The following GMDS variants were observed in gnomAD, a reference collection of about 807,000 sequenced individuals.
GMDS encodes GDP-mannose 4,6-dehydratase.
In GMDS, 20 loss-of-function variants were observed where a neutral mutation model predicts 49.9. The ratio of observed to expected loss-of-function variants is 0.40; its 90% CI spans 0.28 to 0.58. The LOEUF (loss-of-function observed/expected upper bound fraction) is 0.58, where lower values mean the gene tolerates loss of function less well. Ranked by LOEUF, GMDS falls within the 20% of genes least tolerant of loss-of-function variation. The probability of loss-of-function intolerance (pLI) is 0.42; values close to 1 mark genes in which losing one functional copy is unlikely to be tolerated. For synonymous variants in GMDS, 177 were observed against 178.6 expected (o/e 0.99, Z 0.07); for missense variants, 362 against 481.4 (o/e 0.75, Z 2.32).
chr6:1,950,477 G>A (rs1052114371), intron 6 of GMDS, among the ~76,000 whole-genome samples: 1 of 152,186 alleles, frequency 6.6e-6, no homozygotes, highest in African/African-American at 2.4e-5. Flanking sequence ...GGGTCACTGA[G>A]GTGAGGGTTC....
rs79547908 is a variant in GMDS, at chr6:1,630,333, T to C, written c.988-5793A>G. 3.6e-3 allele frequency among the ~76,000 whole-genome samples: 542 copies of C among 152,376 alleles called. 4 individuals are homozygous for C. The highest frequency in any genetic ancestry group is 0.013 in the African/African-American group (528 of 41,594). On this transcript the variant is annotated intron_variant, in intron 9 of 10. Transcript: ENST00000380815. ...AACCGCATGTGGCCTATGCAGTTTA[T>C]GCCACCCCAAAGCTTGTTCCTTTCC...
At chr6:1,803,265 G>C (rs564715187) in intron 7 of GMDS, among the ~76,000 whole-genome samples, 4 of 152,132 alleles carry the variant, frequency 2.6e-5, no homozygotes, top group Admixed American at 6.6e-5. Flanking sequence ...GGATTGATAC[G>C]GCATTCTTGC....
chr6:2,236,570 C>A (rs1781364028), intron 1 of GMDS, among the ~76,000 whole-genome samples: 1 of 152,072 alleles, frequency 6.6e-6, no homozygotes, highest in South Asian at 2.1e-4. Context: ...ATATTGATCA[C>A]CAAAAAATAC....
At chr6:1,793,461 T>C (rs1769619946) in intron 7 of GMDS, among the ~76,000 whole-genome samples, 1 of 152,180 alleles carries the variant, frequency 6.6e-6, no homozygotes, top group Non-Finnish European at 1.5e-5. Context: ...TTTCAAGAAG[T>C]TCATGAACAA....
At chr6:1,834,426 G>C (rs766092332) in intron 7 of GMDS, among the ~76,000 whole-genome samples, 3 of 152,124 alleles carry the variant, frequency 2.0e-5, no homozygotes, top group Non-Finnish European at 2.9e-5. Flanking sequence ...TCATCTGTCT[G>C]TTGGCTCCAG....
intron 4 of GMDS, among the ~76,000 whole-genome samples, chr6:2,090,297 C>G (rs1441342641): frequency 2.0e-5 from 3 of 152,232 alleles, no homozygotes; most frequent in East Asian, 1.9e-4. Context: ...GGTCCCAAAT[C>G]CGATGGTAAA....
At chr6:1,960,393 A>G (rs1281898853) in intron 5 of GMDS, among the ~76,000 whole-genome samples, 1 of 150,852 alleles carries the variant, frequency 6.6e-6, no homozygotes, top group Non-Finnish European at 1.5e-5. Context: ...GAAGGTTTTG[A>G]GCTCAAGGAA....
At chr6:2,058,431 G>A (rs564477039) in intron 4 of GMDS, among the ~76,000 whole-genome samples, 2 of 151,412 alleles carry the variant, frequency 1.3e-5, no homozygotes, top group Admixed American at 6.6e-5. Flanking sequence ...ATACCAGTAC[G>A]AGCGGTATCT....
intron 6 of GMDS, among the ~76,000 whole-genome samples, chr6:1,936,103 CTA>C (rs1410363809): frequency 1.3e-5 from 2 of 152,122 alleles, no homozygotes; most frequent in African/African-American, 4.8e-5. Flanking sequence ...GTCTAACACA[CTA>C]TGTTAGTTAT....
intron 1 of GMDS, among the ~76,000 whole-genome samples, chr6:2,183,737 T>C (rs899773771): frequency 1.3e-5 from 2 of 152,166 alleles, no homozygotes; most frequent in Non-Finnish European, 2.9e-5. Flanking sequence ...TTTATTATTG[T>C]CTTATTGTAA....
chr6:1,959,731 G>A (rs578130174), intron 6 of GMDS, 136 bp downstream of exon 6: 54 of 427,628 alleles, frequency 1.3e-4, no homozygotes, highest in Non-Finnish European at 2.3e-4. Context: ...TTCTTCATTT[G>A]CTGCTCTGAC....
chr6:1,785,479 G>A (rs2113621861), intron 7 of GMDS, among the ~76,000 whole-genome samples: 1 of 152,328 alleles, frequency 6.6e-6, no homozygotes, highest in South Asian at 2.1e-4. Context: ...AGCTGTACTT[G>A]TTGGAAAGGC....
chr6:1,851,903 C>T (rs886552683), intron 7 of GMDS, among the ~76,000 whole-genome samples: 3 of 152,190 alleles, frequency 2.0e-5, no homozygotes, highest in Admixed American at 1.3e-4. Context: ...AGCAGGCACA[C>T]ACGTGTGTGT....
At chr6:1,891,648 T>A (rs1759876765) in intron 7 of GMDS, among the ~76,000 whole-genome samples, 1 of 152,222 alleles carries the variant, frequency 6.6e-6, no homozygotes, top group African/African-American at 2.4e-5. Context: ...GCTAGGGCAG[T>A]CATTCTTAAA....
chr6:2,093,736 T>C (rs1360589459), intron 4 of GMDS, among the ~76,000 whole-genome samples: 1 of 151,928 alleles, frequency 6.6e-6, no homozygotes, highest in Admixed American at 6.6e-5. Context: ...CATGACTGTG[T>C]GTATGTCAGA....
intron 4 of GMDS, among the ~76,000 whole-genome samples, chr6:2,080,713 G>A (rs1404889972): frequency 6.6e-6 from 1 of 152,146 alleles, no homozygotes; most frequent in Non-Finnish European, 1.5e-5. Flanking sequence ...GCAGTGGGTT[G>A]AGCATGCATT....
At chr6:1,641,889 GA>G (rs2113185043) in intron 9 of GMDS, among the ~76,000 whole-genome samples, 1 of 152,316 alleles carries the variant, frequency 6.6e-6, no homozygotes, top group African/African-American at 2.4e-5. Context: ...AGGTGAAGCG[GA>G]AATACCCCAA....
intron 4 of GMDS, among the ~76,000 whole-genome samples, chr6:1,970,468 A>G (rs1764536459): frequency 6.6e-6 from 1 of 152,148 alleles, no homozygotes; most frequent in Non-Finnish European, 1.5e-5. Flanking sequence ...GCAGACCTAG[A>G]AGCACTGCGG....
intron 9 of GMDS, among the ~76,000 whole-genome samples, chr6:1,652,380 AATATATATATAT>A (rs1763681271): frequency 3.7e-4 from 4 of 10,850 alleles, no homozygotes; most frequent in South Asian, 2.5e-3. Flanking sequence ...TAAAAAAAAA[AATATATATATAT>A]TATATATATA....
Sources: allele counts gnomAD v4.1 joint callset (sites outside exome capture counted in the v4.1 genomes callset), GRCh38; gene constraint gnomAD v4.1.1; transcripts MANE v1.5; gene names NCBI Gene and HGNC (gene_info 2026-07-23, HGNC 2026-07-21).